RORA: variants seen among roughly 807,000 people sequenced by gnomAD.
The protein encoded by RORA is RAR related orphan receptor A, also known as nuclear receptor ROR-alpha.
RORA carries 7 observed loss-of-function variants against 69.5 expected under a neutral mutation model. The observed-to-expected ratio is 0.10, with a 90% CI of 0.06 to 0.19. The LOEUF (loss-of-function observed/expected upper bound fraction) is 0.19, where lower values mean the gene tolerates loss of function less well. RORA is among the 10% of genes least tolerant of loss of function. RORA has a pLI of 1.00. For synonymous variants in RORA, 261 were observed against 240.8 expected (o/e 1.08, Z -0.78); for missense variants, 457 against 663.0 (o/e 0.69, Z 3.41).
At chr15:60,954,760 C>T (rs1021479792) in intron 1 of RORA, among the ~76,000 whole-genome samples, 2 of 152,160 alleles carry the variant, frequency 1.3e-5, no homozygotes, top group Non-Finnish European at 2.9e-5. Context: ...TAATGATTCC[C>T]TAGACTCCAA....
chr15:60,801,049 A>G (rs2072573425), intron 1 of RORA, among the ~76,000 whole-genome samples: 1 of 152,232 alleles, frequency 6.6e-6, no homozygotes, highest in African/African-American at 2.4e-5. Context: ...TAAACTGGAA[A>G]TGTAATCTAT....
chr15:60,612,660 T>C (rs1305129278), intron 2 of RORA, among the ~76,000 whole-genome samples: 1 of 102,182 alleles, frequency 9.8e-6, no homozygotes, highest in Non-Finnish European at 1.8e-5. Context: ...TCTCTCTCTC[T>C]GTTTTTTTTT....
At chr15:60,607,358 C>T (rs1035367090) in intron 2 of RORA, among the ~76,000 whole-genome samples, 1 of 152,184 alleles carries the variant, frequency 6.6e-6, no homozygotes, top group Admixed American at 6.5e-5. Flanking sequence ...TCCCCTTCCC[C>T]CTATAAAGTG....
intron 1 of RORA, among the ~76,000 whole-genome samples, chr15:61,202,154 C>A (rs892231025): frequency 6.6e-6 from 1 of 151,894 alleles, no homozygotes. Flanking sequence ...ATTACAGGTG[C>A]GCACCACCAT....
At chr15:61,139,676 C>T (rs961185304) in intron 1 of RORA, among the ~76,000 whole-genome samples, 22 of 152,160 alleles carry the variant, frequency 1.4e-4, no homozygotes, top group African/African-American at 5.3e-4. Flanking sequence ...AGAGCTTCAG[C>T]GGAACCCCTT....
chr15:61,220,379 C>A (rs1422819315), intron 1 of RORA, among the ~76,000 whole-genome samples: 1 of 152,166 alleles, frequency 6.6e-6, no homozygotes, highest in Non-Finnish European at 1.5e-5. Flanking sequence ...GGTTTTATAA[C>A]TGGAAAGTGA....
At chr15:60,758,938 A>G (rs1470700659) in intron 1 of RORA, among the ~76,000 whole-genome samples, 1 of 152,220 alleles carries the variant, frequency 6.6e-6, no homozygotes, top group East Asian at 1.9e-4. Context: ...AAGAAACTGA[A>G]GTCCAGAGTG....
chr15:60,572,272 AAG>A (rs2067905158), intron 2 of RORA, among the ~76,000 whole-genome samples: 1 of 152,232 alleles, frequency 6.6e-6, no homozygotes, highest in South Asian at 2.1e-4. Flanking sequence ...GCAAAGGGCA[AAG>A]AGGGGACAAT....
chr15:60,861,383 G>C (rs981687320), intron 1 of RORA, among the ~76,000 whole-genome samples: 2 of 152,228 alleles, frequency 1.3e-5, no homozygotes, highest in African/African-American at 4.8e-5. Flanking sequence ...GCTTTTATAA[G>C]TATTTGCTCA....
intron 1 of RORA, among the ~76,000 whole-genome samples, chr15:61,053,434 G>A (rs1341037664): frequency 6.6e-6 from 1 of 152,028 alleles, no homozygotes; most frequent in Non-Finnish European, 1.5e-5. Flanking sequence ...GTAACCCCTT[G>A]GGCAGCAGAG....
At chr15:61,014,132 T>C (rs1895197878) in intron 1 of RORA, among the ~76,000 whole-genome samples, 1 of 152,170 alleles carries the variant, frequency 6.6e-6, no homozygotes, top group Non-Finnish European at 1.5e-5. Flanking sequence ...CTTGGTCAAG[T>C]AGATACAGCA....
intron 1 of RORA, among the ~76,000 whole-genome samples, chr15:61,119,259 T>C (rs1870466741): frequency 6.6e-6 from 1 of 151,840 alleles, no homozygotes; most frequent in Non-Finnish European, 1.5e-5. Context: ...AGTACAGTGG[T>C]GCAATCTTGG....
At chr15:60,942,058 T>A (rs1028128220) in intron 1 of RORA, among the ~76,000 whole-genome samples, 1 of 152,188 alleles carries the variant, frequency 6.6e-6, no homozygotes, top group Admixed American at 6.5e-5. Context: ...ATCCATAATA[T>A]CTTCGGAAGA....
At chr15:61,060,473 G>C (rs1344149656) in intron 1 of RORA, among the ~76,000 whole-genome samples, 1 of 152,152 alleles carries the variant, frequency 6.6e-6, no homozygotes, top group Non-Finnish European at 1.5e-5. Context: ...TACACCTCAG[G>C]GTAGGGGTCG....
chr15:60,880,633 C>A (rs1237442020), intron 1 of RORA, among the ~76,000 whole-genome samples: 1 of 150,388 alleles, frequency 6.6e-6, no homozygotes, highest in Non-Finnish European at 1.5e-5. Context: ...GAAAGACTGT[C>A]AAAAAAAAAC....
At chr15:60,748,512 T>C (rs547444337) in intron 1 of RORA, among the ~76,000 whole-genome samples, 3 of 152,332 alleles carry the variant, frequency 2.0e-5, no homozygotes, top group East Asian at 3.9e-4. Flanking sequence ...AGGTGGATTG[T>C]GCAGTGGCTT....
intron 1 of RORA, among the ~76,000 whole-genome samples, chr15:61,227,475 T>A (rs968079288): frequency 6.6e-6 from 1 of 151,670 alleles, no homozygotes; most frequent in African/African-American, 2.4e-5. Flanking sequence ...CCTTTGGAAA[T>A]CGCCTTTAAT....
At chr15:60,618,215 G>A (rs961024949) in intron 2 of RORA, among the ~76,000 whole-genome samples, 1 of 152,204 alleles carries the variant, frequency 6.6e-6, no homozygotes, top group South Asian at 2.1e-4. Context: ...GAATCTGACA[G>A]TAACACCATC....
chr15:60,514,470 C>G (rs1295369221), intron 4 of RORA, 146 bp downstream of exon 4: 7 of 732,612 alleles, frequency 9.6e-6, no homozygotes, highest in African/African-American at 7.1e-5. Context: ...TTCCATGTAG[C>G]TGCCAGAGGA....
Sources: gnomAD v4.1 joint callset for allele counts (sites outside exome capture counted in the v4.1 genomes callset) on GRCh38, gnomAD v4.1.1 for gene constraint, MANE v1.5 for transcripts, NCBI Gene and HGNC (gene_info 2026-07-23, HGNC 2026-07-21) for gene names.